The following KCNJ16 variants were observed in gnomAD, a reference collection of about 807,000 sequenced individuals.
The protein encoded by KCNJ16 is inward rectifier potassium channel 16.
A neutral mutation model predicts 18.5 loss-of-function variants in KCNJ16; 15 were observed. The observed-to-expected ratio is 0.81, with a 90% CI of 0.54 to 1.25. KCNJ16 has a LOEUF of 1.25. Ranked by LOEUF, KCNJ16 falls within the 50% of genes most tolerant of loss-of-function variation. The probability of loss-of-function intolerance (pLI) is 0.00; values close to 1 mark genes in which losing one functional copy is unlikely to be tolerated. For synonymous variants in KCNJ16, 174 were observed against 186.5 expected (o/e 0.93, Z 0.55); for missense variants, 523 against 525.7 (o/e 0.99, Z 0.05).
At chr17:70,131,552 C>T in intron 3 of KCNJ16, 3 of 812,796 alleles carry the variant, frequency 3.7e-6, no homozygotes, top group Non-Finnish European at 4.5e-6. Flanking sequence ...CTCTTTATTG[C>T]ATCCTTCTTT....
chr17:70,131,960 C>A, intron 3 of KCNJ16, 35 bp from the exon 4 acceptor site: 1 of 1,520,268 alleles, frequency 6.6e-7, no homozygotes, highest in South Asian at 1.2e-5. Flanking sequence ...ACATTGAAAG[C>A]TAAAAAGTGT....
chr17:70,125,698 A>G (rs905674743), intron 2 of KCNJ16, among the ~76,000 whole-genome samples: 2 of 152,200 alleles, frequency 1.3e-5, no homozygotes, highest in African/African-American at 4.8e-5. Flanking sequence ...TGGGAGGCCA[A>G]GGAGGGTGGA....
chr17:70,115,529 T>C (rs1429546847), intron 2 of KCNJ16, among the ~76,000 whole-genome samples: 1 of 152,144 alleles, frequency 6.6e-6, no homozygotes, highest in Non-Finnish European at 1.5e-5. Flanking sequence ...ATTGAAAATA[T>C]TAAGATAAAA....
intron 2 of KCNJ16, among the ~76,000 whole-genome samples, chr17:70,127,071 G>A (rs551427617): frequency 2.0e-5 from 3 of 152,232 alleles, no homozygotes; most frequent in South Asian, 4.1e-4. Flanking sequence ...CTGGCACAAG[G>A]TTTTCTTAAA....
At chr17:70,124,898 T>TG (rs2073797302) in intron 2 of KCNJ16, among the ~76,000 whole-genome samples, 1 of 151,100 alleles carries the variant, frequency 6.6e-6, no homozygotes, top group Non-Finnish European at 1.5e-5. Flanking sequence ...GGGTGTGTGT[T>TG]TGTGTGTGTG....
At chr17:70,094,290 C>T (rs1157622621) in intron 1 of KCNJ16, among the ~76,000 whole-genome samples, 1 of 152,188 alleles carries the variant, frequency 6.6e-6, no homozygotes, top group Admixed American at 6.5e-5. Context: ...ACTGTCTCAA[C>T]TATTTTGGCC....
At chr17:70,116,367 G>A (rs2073404988) in intron 2 of KCNJ16, among the ~76,000 whole-genome samples, 1 of 151,920 alleles carries the variant, frequency 6.6e-6, no homozygotes, top group South Asian at 2.1e-4. Flanking sequence ...TCCAGATTTT[G>A]TCACTACAAA....
At chr17:70,075,612 T>C (rs2071271387) in intron 1 of KCNJ16, among the ~76,000 whole-genome samples, 2 of 152,198 alleles carry the variant, frequency 1.3e-5, no homozygotes, top group African/African-American at 2.4e-5. Flanking sequence ...TGGTTAAAAG[T>C]AGTCTCACAT....
intron 2 of KCNJ16, among the ~76,000 whole-genome samples, chr17:70,123,283 T>A (rs974057750): frequency 2.6e-5 from 4 of 152,174 alleles, no homozygotes; most frequent in Admixed American, 6.5e-5. Context: ...GATAACAGTT[T>A]AGCTTATAGC....
intron 2 of KCNJ16, among the ~76,000 whole-genome samples, chr17:70,109,195 C>CT: frequency 6.6e-6 from 1 of 152,120 alleles, no homozygotes; most frequent in East Asian, 1.9e-4. Flanking sequence ...TTTCTCATGG[C>CT]TTTTTTTCCC....
At position 70,125,025 on chromosome 17, in the gene KCNJ16, G is replaced by A. The variant is rs562077273; in HGVS notation, c.-190-5854G>A. The stretch of plus-strand genomic sequence containing the variant: ...CTCACATCTGTAATCCAACACTTTG[G>A]GAGGCCGAGGCTGGAGGATTGCTTG... On this transcript the variant is annotated intron_variant, in intron 2 of 3. Coordinates refer to ENST00000392671, the MANE Select transcript of KCNJ16 (RefSeq NM_170741.4). Among the ~76,000 whole-genome samples, 29 of 152,206 alleles carry A rather than the reference G, an allele frequency of 1.9e-4. 1 individual carries two copies. In the East Asian group the frequency reaches 3.3e-3, roughly 17 times the overall value.
intron 3 of KCNJ16, chr17:70,131,439 A>G: frequency 1.0e-6 from 1 of 1,000,244 alleles, no homozygotes; most frequent in Non-Finnish European, 1.2e-6. Context: ...TACAAGGAAG[A>G]AAAGCCTCCG....
chr17:70,080,216 ATATG>A (rs372320496), intron 1 of KCNJ16, among the ~76,000 whole-genome samples: 6 of 152,254 alleles, frequency 3.9e-5, no homozygotes, highest in African/African-American at 1.4e-4. Context: ...CATGTAGTTC[ATATG>A]TATGAGTCCT....
intron 1 of KCNJ16, among the ~76,000 whole-genome samples, chr17:70,091,037 T>A (rs2072067859): frequency 6.6e-6 from 1 of 152,224 alleles, no homozygotes; most frequent in South Asian, 2.1e-4. Flanking sequence ...CAAAAATGCC[T>A]TGTTTCTTTC....
intron 1 of KCNJ16, among the ~76,000 whole-genome samples, chr17:70,093,549 T>TA (rs1256586901): frequency 6.6e-6 from 1 of 152,174 alleles, no homozygotes; most frequent in Non-Finnish European, 1.5e-5. Flanking sequence ...CATTTGCAGG[T>TA]ACTAGGAGTT....
Position 70,132,497 on chromosome 17 carries a change from G to T in KCNJ16, c.410G>T (p.Arg137Leu), listed in dbSNP as rs144258139. The change falls in exon 4 of 4, where the codon CGC becomes CTC. Residue 137 changes from arginine to leucine, a missense_variant. Physicochemically the swap from Arg to Leu is moderately radical, Grantham distance 102. Coordinates refer to ENST00000392671, the MANE Select transcript of KCNJ16 (RefSeq NM_170741.4). Reference protein sequence around the residue: ...ETQTTIGYGYRCVTEECSVAV... With the variant: ...ETQTTIGYGYLCVTEECSVAV... ...CAAACCACCATAGGATATGGTTATC[G>T]CTGTGTTACTGAAGAATGTTCTGTG... The T allele has an allele frequency of 6.2e-7, 1 of 1,614,092 alleles. No homozygotes were observed.
chr17:70,120,302 T>C (rs2073580426), intron 2 of KCNJ16, among the ~76,000 whole-genome samples: 1 of 152,172 alleles, frequency 6.6e-6, no homozygotes, highest in South Asian at 2.1e-4. Context: ...CTTTCCCTCA[T>C]CTTTCTGTCT....
chr17:70,099,463 C>A (rs1272923792), intron 1 of KCNJ16, among the ~76,000 whole-genome samples: 1 of 151,986 alleles, frequency 6.6e-6, no homozygotes, highest in Non-Finnish European at 1.5e-5. Context: ...TAAGGAAGGA[C>A]TTCCTCATGG....
At chr17:70,080,492 G>A (rs536870160) in intron 1 of KCNJ16, among the ~76,000 whole-genome samples, 23 of 152,050 alleles carry the variant, frequency 1.5e-4, no homozygotes, top group East Asian at 3.9e-4. Context: ...TTTTGAGCTC[G>A]GGCCCAGTCA....
Sources: gnomAD v4.1 joint callset for allele counts (sites outside exome capture counted in the v4.1 genomes callset) on GRCh38, gnomAD v4.1.1 for gene constraint, MANE v1.5 for transcripts, NCBI Gene and HGNC (gene_info 2026-07-23, HGNC 2026-07-21) for gene names.